RAB27A: variants seen among roughly 807,000 people sequenced by gnomAD.
RAB27A encodes the protein RAB27A, member RAS oncogene family, also known as ras-related protein Rab-27A.
Under a neutral mutation model 20.8 loss-of-function variants are expected in RAB27A, and 17 were observed. That is an observed-to-expected ratio of 0.82 (90% CI 0.56 to 1.23). The LOEUF (loss-of-function observed/expected upper bound fraction) is 1.23, where lower values mean the gene tolerates loss of function less well. RAB27A is among the 50% of genes most tolerant of loss of function. The probability of loss-of-function intolerance (pLI) is 0.00; values close to 1 mark genes in which losing one functional copy is unlikely to be tolerated. For missense variants in RAB27A, 277 were observed against 266.7 expected, an observed-to-expected ratio of 1.04 and a Z score of -0.27; for synonymous variants, 85 against 92.8, an observed-to-expected ratio of 0.92 and a Z score of 0.48.
At chr15:55,259,303 CTTTT>C (rs913792473) in intron 2 of RAB27A, among the ~76,000 whole-genome samples, 1 of 145,514 alleles carries the variant, frequency 6.9e-6, no homozygotes, top group Non-Finnish European at 1.5e-5. Flanking sequence ...AAGAAAGTCT[CTTTT>C]TTTTTTAATG....
At chr15:55,294,908 G>A (rs995994457) in intron 2 of RAB27A, among the ~76,000 whole-genome samples, 1 of 151,990 alleles carries the variant, frequency 6.6e-6, no homozygotes, top group Non-Finnish European at 1.5e-5. Flanking sequence ...ACAACCTACA[G>A]AATGAGAGAA....
intron 6 of RAB27A, among the ~76,000 whole-genome samples, chr15:55,212,596 C>T (rs1895080134): frequency 6.6e-6 from 1 of 150,802 alleles, no homozygotes; most frequent in Non-Finnish European, 1.5e-5. Flanking sequence ...GTGGCGCCAT[C>T]CTGGCTCACT....
chr15:55,253,896 A>G (rs1396968576), intron 2 of RAB27A, among the ~76,000 whole-genome samples: 1 of 152,268 alleles, frequency 6.6e-6, no homozygotes, highest in Non-Finnish European at 1.5e-5. Context: ...TGAAGATGTA[A>G]GTATCCACGT....
intron 1 of RAB27A, chr15:55,318,016 G>A: frequency 6.5e-6 from 2 of 308,266 alleles, no homozygotes; most frequent in East Asian, 9.9e-5. Flanking sequence ...AGTACAGGAA[G>A]TGAATTAGGG....
intron 2 of RAB27A, among the ~76,000 whole-genome samples, chr15:55,301,830 G>C (rs1595755213): frequency 1.3e-5 from 2 of 151,832 alleles, no homozygotes; most frequent in South Asian, 2.1e-4. Flanking sequence ...ATTTTCAGTA[G>C]AGATAGGGTT....
intron 5 of RAB27A, among the ~76,000 whole-genome samples, chr15:55,226,509 T>TTGTG (rs36074324): frequency 0.044 from 6,544 of 148,832 alleles, 144 homozygotes; most frequent in Non-Finnish European, 0.055. Context: ...TTTTATGTAT[T>TTGTG]TGTGTGTGTG....
chr15:55,206,892 C>T lies in RAB27A; in HGVS notation c.468-1187G>A, dbSNP rs141736621. 4.3e-3 allele frequency among the ~76,000 whole-genome samples: 652 copies of T among 152,086 alleles called. 4 individuals carry two copies. The highest frequency in any genetic ancestry group is 0.015 in the African/African-American group (634 of 41,486). On this transcript the variant is annotated intron_variant, in intron 6 of 6. Transcript: ENST00000336787. ...ATCATAAGCAAAGTTAAAAGATGAG[C>T]GACAGGCCGAAATACATGGCATTTC...
intron 4 of RAB27A, among the ~76,000 whole-genome samples, chr15:55,229,547 C>T (rs1895949927): frequency 6.6e-6 from 1 of 151,806 alleles, no homozygotes; most frequent in Non-Finnish European, 1.5e-5. Context: ...TAGTGGTGCA[C>T]ATCTGTAATC....
Position 55,219,203 on chromosome 15 carries a change from G to A in RAB27A, c.467+4686C>T, listed in dbSNP as rs569266068. Among the ~76,000 whole-genome samples the A allele has an allele frequency of 1.7e-3, 262 of 152,212 alleles. 1 individual carries two copies. The highest frequency in any genetic ancestry group is 3.0e-3 in the Non-Finnish European group (207 of 68,026). On this transcript the variant is annotated intron_variant, in intron 6 of 6. Coordinates refer to ENST00000336787, the MANE Select transcript of RAB27A (RefSeq NM_183235.3). ...AGCCCTTGTCTGCTCACTTGTGGTT[G>A]GTGCTCCCTCACTACCAATGCCAAG...
chr15:55,269,289 C>G (rs146054653), intron 2 of RAB27A, among the ~76,000 whole-genome samples: 76 of 152,280 alleles, frequency 5.0e-4, no homozygotes, highest in African/African-American at 1.8e-3. Flanking sequence ...ATCTTTCACT[C>G]CGGCATACTT....
At position 55,209,884 on chromosome 15, in the gene RAB27A, G is replaced by GTGTGTA. The variant is rs1566896332; in HGVS notation, c.468-4180_468-4179insTACACA. ...TATACATATATACATATATGTGTGT[G>GTGTGTA]TATACATATATACACATATGTGTGT... On this transcript the variant is annotated intron_variant, in intron 6 of 6. Coordinates refer to ENST00000336787, the MANE Select transcript of RAB27A (RefSeq NM_183235.3). Among the ~76,000 whole-genome samples, 57 of 66,228 alleles carry GTGTGTA rather than the reference G, an allele frequency of 8.6e-4. 17 individuals are homozygous for GTGTGTA. The highest frequency in any genetic ancestry group is 4.5e-3 in the African/African-American group (56 of 12,392). The allele number at this position is 66,228 out of a possible 152,430, so 43.4% of individuals were successfully genotyped here.
At chr15:55,268,038 A>G (rs1274855245) in intron 2 of RAB27A, among the ~76,000 whole-genome samples, 1 of 152,234 alleles carries the variant, frequency 6.6e-6, no homozygotes, top group Admixed American at 6.5e-5. Flanking sequence ...GAAAGTGGTA[A>G]GAGACAGAGA....
Position 55,211,915 on chromosome 15 carries a change from T to C in RAB27A, c.468-6210A>G, listed in dbSNP as rs115894618. On this transcript the variant is annotated intron_variant, in intron 6 of 6. Transcript: ENST00000336787. ...GAAAAAAACTGGGTAAATTCAAATT[T>C]TGCAACATGCTATTTTATTAAATGA... Among the ~76,000 whole-genome samples the C allele has an allele frequency of 8.4e-3, 1,283 of 152,022 alleles. 13 individuals carry two copies. Among genetic ancestry groups the C allele is most frequent in the African/African-American group, 0.03 (1,247 of 41,480 alleles).
chr15:55,218,609 C>T (rs1332015552), intron 6 of RAB27A, among the ~76,000 whole-genome samples: 1 of 152,104 alleles, frequency 6.6e-6, no homozygotes, highest in African/African-American at 2.4e-5. Flanking sequence ...TCTTTCATTC[C>T]AGAACTCTTG....
chr15:55,228,371 A>C (rs1895891487), intron 5 of RAB27A, among the ~76,000 whole-genome samples: 1 of 152,204 alleles, frequency 6.6e-6, no homozygotes, highest in Non-Finnish European at 1.5e-5. Flanking sequence ...GAGCACACAT[A>C]AAGTGCTGCC....
chr15:55,274,824 ATG>A (rs1491457528), intron 1 of RAB27A, among the ~76,000 whole-genome samples: 18 of 136,368 alleles, frequency 1.3e-4, no homozygotes, highest in African/African-American at 4.8e-4. Context: ...ATATATATAT[ATG>A]TATAGAGAGA....
At position 55,204,988 on chromosome 15, in the gene RAB27A, A is replaced by G. The variant is rs187123569; in HGVS notation, c.*519T>C. 7.5e-5 allele frequency: 13 copies of G among 173,838 alleles called. 1 individual carries two copies. Among genetic ancestry groups the G allele is most frequent in the Admixed American group, 3.9e-4 (7 of 17,958 alleles). The allele number at this position is 173,838 out of a possible 1,614,324, so 10.8% of individuals were successfully genotyped here. On this transcript the variant is annotated 3_prime_UTR_variant, in exon 7 of 7. Coordinates refer to ENST00000336787, the MANE Select transcript of RAB27A (RefSeq NM_183235.3). ...TAAATAGAATGCTTACATAAAATTA[A>G]TACTCAAAGACATTGAGCTGATGTG...
chr15:55,206,456 C>A (rs1894656911), intron 6 of RAB27A: 1 of 155,408 alleles, frequency 6.4e-6, no homozygotes, highest in Non-Finnish European at 1.4e-5. Context: ...ATCCTCCTAC[C>A]TCAGCTTTCC....
intron 6 of RAB27A, among the ~76,000 whole-genome samples, chr15:55,209,697 A>C (rs909848177): frequency 1.3e-5 from 2 of 149,832 alleles, no homozygotes; most frequent in Non-Finnish European, 3.0e-5. Context: ...ACTTACATAA[A>C]ACTTTTAAGA....
Sources: gnomAD v4.1 joint callset for allele counts (sites outside exome capture counted in the v4.1 genomes callset) on GRCh38, gnomAD v4.1.1 for gene constraint, MANE v1.5 for transcripts, NCBI Gene and HGNC (gene_info 2026-07-23, HGNC 2026-07-21) for gene names.